Variants in DOCK4 observed in about 807,000 individuals in gnomAD.
DOCK4 encodes dedicator of cytokinesis 4, also known as dedicator of cytokinesis protein 4.
In DOCK4, 97 loss-of-function variants were observed where a neutral mutation model predicts 268.1. The observed-to-expected ratio is 0.36, with a 90% CI of 0.31 to 0.43. The LOEUF (loss-of-function observed/expected upper bound fraction) is 0.43, where lower values mean the gene tolerates loss of function less well. Ranked by LOEUF, DOCK4 falls within the 20% of genes least tolerant of loss-of-function variation. The pLI is 1.00. For synonymous variants in DOCK4, 954 were observed against 887.2 expected, an observed-to-expected ratio of 1.08 and a Z score of -1.34; for missense variants, 2,145 against 2,455.7, an observed-to-expected ratio of 0.87 and a Z score of 2.67.
chr7:111,955,169 T>C (rs1349372560), intron 8 of DOCK4, among the ~76,000 whole-genome samples: 1 of 152,198 alleles, frequency 6.6e-6, no homozygotes, highest in Admixed American at 6.5e-5. Context: ...AGTTTTTCCT[T>C]GGCAATAAAT....
intron 16 of DOCK4, among the ~76,000 whole-genome samples, chr7:111,884,435 C>T (rs907571804): frequency 2.6e-5 from 4 of 152,150 alleles, no homozygotes; most frequent in African/African-American, 9.7e-5. Context: ...CATTGCCTCC[C>T]TCTACTGTTG....
At chr7:111,782,810 G>GA (rs1287630268) in intron 35 of DOCK4, 54 bp downstream of exon 35, 23 of 1,537,072 alleles carry the variant, frequency 1.5e-5, no homozygotes, top group African/African-American at 1.2e-4. Context: ...GTATTTCTGG[G>GA]AAAAAAATAC....
At chr7:111,779,963 G>C (rs1353583459) in intron 35 of DOCK4, among the ~76,000 whole-genome samples, 1 of 152,240 alleles carries the variant, frequency 6.6e-6, no homozygotes, top group African/African-American at 2.4e-5. Flanking sequence ...TAGTTGGTGT[G>C]TGGAAGAAGG....
In DOCK4 at chr7:112,101,916, T is replaced by C. The variant is rs189881957; in HGVS notation, c.38-97785A>G. 7.2e-3 allele frequency among the ~76,000 whole-genome samples: 1,099 copies of C among 151,982 alleles called. 17 individuals are homozygous for C. Among genetic ancestry groups the C allele is most frequent in the African/African-American group, 0.024 (990 of 41,474 alleles). On this transcript the variant is annotated intron_variant, in intron 1 of 52. Coordinates refer to ENST00000428084, the MANE Select transcript of DOCK4 (RefSeq NM_001363540.2). ...GGAGTGCAGTGGCGCGATCTCGGCT[T>C]ACTGCAAGCTCCGCCTCGCGGGTTC...
chr7:111,837,095 T>G (rs1231108039), intron 25 of DOCK4, among the ~76,000 whole-genome samples: 1 of 151,844 alleles, frequency 6.6e-6, no homozygotes, highest in Non-Finnish European at 1.5e-5. Flanking sequence ...ATCAAATTGC[T>G]TATAGCCAGT....
rs1417724469 is a variant in DOCK4 at position 111,863,504 on chromosome 7, G to A, written c.2341C>T (p.Arg781Trp). The A allele has an allele frequency of 2.5e-6, 4 of 1,613,626 alleles. No individual in the cohort carries two copies. The highest frequency in any genetic ancestry group is 1.7e-5 in the Admixed American group (1 of 59,976). ...TCCTGGACCAAGTTGGCTACTTCCC[G>A]GACATCAAAGAGCTTCAACAGTTCT... is the stretch of plus-strand genomic sequence containing the variant. ...YSELLKLFDV[R>W]EVANLVQDTL... Residue 781 changes from arginine to tryptophan, a missense_variant, in exon 23 of 53, where the codon CGG becomes TGG. Around this residue, in one of 2 missense-constraint regions of DOCK4, gnomAD observed 1,598 missense variants for 1,986.7 expected, o/e 0.80. Coordinates refer to ENST00000428084, the MANE Select transcript of DOCK4 (RefSeq NM_001363540.2).
At chr7:112,149,581 AAG>A (rs869029563) in intron 1 of DOCK4, among the ~76,000 whole-genome samples, 1 of 57,308 alleles carries the variant, frequency 1.7e-5, no homozygotes, top group African/African-American at 3.6e-5. Context: ...CAGAAAATAA[AAG>A]AAGACTATCA....
chr7:111,753,015 G>A (rs935995963), intron 42 of DOCK4, among the ~76,000 whole-genome samples: 62 of 130,306 alleles, frequency 4.8e-4, no homozygotes, highest in African/African-American at 1.6e-3. Flanking sequence ...TGGGGGGGGG[G>A]TCTGTGATTT....
At chr7:112,025,897 C>G (rs1802744365) in intron 1 of DOCK4, among the ~76,000 whole-genome samples, 1 of 152,146 alleles carries the variant, frequency 6.6e-6, no homozygotes, top group Non-Finnish European at 1.5e-5. Flanking sequence ...AAAGCCTTCC[C>G]TGGCTACTCC....
chr7:111,946,787 G>C (rs1795659799), intron 8 of DOCK4, among the ~76,000 whole-genome samples: 1 of 152,068 alleles, frequency 6.6e-6, no homozygotes, highest in Non-Finnish European at 1.5e-5. Context: ...TCACCATGTT[G>C]GCCAGGCTGG....
chr7:111,768,266 T>C (rs529102236), intron 37 of DOCK4, among the ~76,000 whole-genome samples: 1 of 152,122 alleles, frequency 6.6e-6, no homozygotes, highest in African/African-American at 2.4e-5. Flanking sequence ...GACCAATAAA[T>C]GAATTCAGAG....
chr7:111,792,031 T>G (rs1406925754), intron 30 of DOCK4, among the ~76,000 whole-genome samples: 1 of 152,242 alleles, frequency 6.6e-6, no homozygotes, highest in East Asian at 1.9e-4. Flanking sequence ...TATTGATAAT[T>G]CAGAGGAAAG....
chr7:111,953,445 C>T (rs948394784), intron 8 of DOCK4, among the ~76,000 whole-genome samples: 2 of 152,140 alleles, frequency 1.3e-5, no homozygotes. Flanking sequence ...TTCTATTTCA[C>T]TGCTTCTCCT....
At chr7:111,749,261 G>T (rs1796477628) in intron 42 of DOCK4, among the ~76,000 whole-genome samples, 1 of 152,120 alleles carries the variant, frequency 6.6e-6, no homozygotes, top group Admixed American at 6.6e-5. Context: ...AAACCATAAA[G>T]GAAAAGTCTG....
intron 1 of DOCK4, among the ~76,000 whole-genome samples, chr7:112,175,400 T>C (rs963378204): frequency 1.3e-5 from 2 of 152,200 alleles, no homozygotes; most frequent in Non-Finnish European, 2.9e-5. Flanking sequence ...TTATTTGCCC[T>C]GCCTTTGTAT....
chr7:111,879,858 C>T (rs1807233376), intron 16 of DOCK4, among the ~76,000 whole-genome samples: 1 of 151,956 alleles, frequency 6.6e-6, no homozygotes. Context: ...TGAAGACAGG[C>T]TATTTGAAAA....
At chr7:111,941,770 T>A (rs1045324322) in intron 10 of DOCK4, among the ~76,000 whole-genome samples, 6 of 152,072 alleles carry the variant, frequency 3.9e-5, no homozygotes, top group African/African-American at 1.4e-4. Context: ...AACCCCTTCA[T>A]CTAAAGCTGC....
At chr7:111,767,009 C>G (rs1418012894) in intron 38 of DOCK4, 23 bp downstream of exon 38, 1 of 1,586,246 alleles carries the variant, frequency 6.3e-7, no homozygotes, top group South Asian at 1.1e-5. Flanking sequence ...ATGGCCTGAT[C>G]AGGATGCATC....
At chr7:112,116,881 T>A (rs748737692) in intron 1 of DOCK4, among the ~76,000 whole-genome samples, 1 of 152,110 alleles carries the variant, frequency 6.6e-6, no homozygotes, top group Non-Finnish European at 1.5e-5. Context: ...CATGAGCCAC[T>A]GTACCCGGCC....
Sources: allele counts gnomAD v4.1 joint callset (sites outside exome capture counted in the v4.1 genomes callset), GRCh38; gene constraint gnomAD v4.1.1; regional missense constraint gnomAD v4.1.1; transcripts MANE v1.5; gene names NCBI Gene and HGNC (gene_info 2026-07-23, HGNC 2026-07-21).